The following SPINK8 variants were observed in gnomAD, a reference collection of about 807,000 sequenced individuals.
The protein encoded by SPINK8 is serine protease inhibitor Kazal-type 8.
Under a neutral mutation model 14.4 loss-of-function variants are expected in SPINK8, and 12 were observed. The ratio of observed to expected loss-of-function variants is 0.83; its 90% CI spans 0.53 to 1.35. The LOEUF is 1.35. Among genes scored for constraint, SPINK8 ranks in the 40% most tolerant of loss-of-function variants. The probability of loss-of-function intolerance (pLI) is 0.00; values close to 1 mark genes in which losing one functional copy is unlikely to be tolerated. For missense variants in SPINK8, 103 were observed against 117.0 expected, an observed-to-expected ratio of 0.88 and a Z score of 0.55; for synonymous variants, 32 against 37.6, an observed-to-expected ratio of 0.85 and a Z score of 0.55.
At chr3:48,317,488 C>CA (rs1340055726) in intron 6 of SPINK8, among the ~76,000 whole-genome samples, 11 of 150,688 alleles carry the variant, frequency 7.3e-5, no homozygotes, top group Admixed American at 5.3e-4. Flanking sequence ...AACTACATCT[C>CA]AAAAAATAAA....
chr3:48,321,870 T>C lies in SPINK8; in HGVS notation c.68-796A>G, dbSNP rs375730566. On this transcript the variant is annotated intron_variant, in intron 4 of 7. Transcript: ENST00000434006. Reference sequence around the variant, plus strand: ...CTCTGTCACCCAGGCTGGAGTGCATTGACACGATATCAGCTCACTGAAGCC... The same window carrying C: ...CTCTGTCACCCAGGCTGGAGTGCATCGACACGATATCAGCTCACTGAAGCC... Among the ~76,000 whole-genome samples, 11 of 152,032 alleles carry C rather than the reference T, an allele frequency of 7.2e-5. No individual in the cohort carries two copies. In the East Asian group the frequency reaches 1.9e-3, roughly 27 times the overall value.
At chr3:48,325,375 A>G (rs1280380834) in intron 4 of SPINK8, among the ~76,000 whole-genome samples, 1 of 149,592 alleles carries the variant, frequency 6.7e-6, no homozygotes, top group East Asian at 2.0e-4. Context: ...GTCCTCCTTC[A>G]CTGGTTTGTG....
rs560186448 is a variant in SPINK8, at chr3:48,309,309, G to T, written c.282+595C>A. Among the ~76,000 whole-genome samples, 4 of 152,264 alleles carry T rather than the reference G, an allele frequency of 2.6e-5. No individual in the cohort carries two copies. The South Asian group carries it at 8.3e-4, about 32-fold the overall frequency. ...AGTTCTTGCTTTGGACTATAACCTG[G>T]AAGTCAGGGACACAATCTCTAGACC... On this transcript the variant is annotated intron_variant, in intron 7 of 7. Transcript: ENST00000434006.
At chr3:48,325,101 C>T (rs1489758468) in intron 4 of SPINK8, among the ~76,000 whole-genome samples, 1 of 152,110 alleles carries the variant, frequency 6.6e-6, no homozygotes. Context: ...TTAGTATAGC[C>T]ATTCCAACTT....
chr3:48,330,268 C>G (rs2036232969), intron 2 of SPINK8, among the ~76,000 whole-genome samples: 1 of 152,156 alleles, frequency 6.6e-6, no homozygotes, highest in African/African-American at 2.4e-5. Context: ...CCTGTAATCT[C>G]AGCACTTTGG....
intron 6 of SPINK8, among the ~76,000 whole-genome samples, chr3:48,313,061 C>T (rs184209871): frequency 6.6e-6 from 1 of 150,966 alleles, no homozygotes; most frequent in African/African-American, 2.4e-5. Context: ...AGAGGTAAAT[C>T]TTTATGCCTT....
At chr3:48,332,209 C>T (rs952549770) in intron 2 of SPINK8, among the ~76,000 whole-genome samples, 157 bp downstream of exon 2, 7 of 152,328 alleles carry the variant, frequency 4.6e-5, no homozygotes, top group South Asian at 2.1e-4. Flanking sequence ...ATGACTAAAG[C>T]GGTGGCCTTC....
chr3:48,323,346 G>T (rs542057688), intron 4 of SPINK8, among the ~76,000 whole-genome samples: 1 of 151,820 alleles, frequency 6.6e-6, no homozygotes, highest in Admixed American at 6.6e-5. Context: ...TGATCTGCCC[G>T]CCTCAGCCTC....
chr3:48,315,936 G>T (rs2035986033), intron 6 of SPINK8, among the ~76,000 whole-genome samples: 1 of 152,070 alleles, frequency 6.6e-6, no homozygotes, highest in South Asian at 2.1e-4. Flanking sequence ...GATTTGAGCA[G>T]ACAGAAGAAA....
chr3:48,314,967 A>G (rs966758593), intron 6 of SPINK8, among the ~76,000 whole-genome samples: 1 of 152,246 alleles, frequency 6.6e-6, no homozygotes, highest in Non-Finnish European at 1.5e-5. Flanking sequence ...AGTGACCACT[A>G]AAGTGTAGCT....
At chr3:48,321,260 C>T (rs11716371) in intron 4 of SPINK8, among the ~76,000 whole-genome samples, 186 bp from the exon 5 acceptor site, 32,490 of 152,064 alleles carry the variant, frequency 0.21, 4,294 homozygotes, top group South Asian at 0.3. Flanking sequence ...GTGCCTTTAC[C>T]TTCTTGTAAA....
At position 48,319,463 on chromosome 3, in the gene SPINK8, C is replaced by G. The variant is rs142135289; in HGVS notation, c.239+34G>C. On this transcript the variant is annotated intron_variant, in intron 6 of 7. Coordinates refer to ENST00000434006, the MANE Select transcript of SPINK8 (RefSeq NM_001080525.3). ...CTTTTGACCACTCTTAACCTCTTGA[C>G]TTGAAAGAAAGGGAGAACAAAATTA... 4 of 1,613,198 alleles carry G rather than the reference C, an allele frequency of 2.5e-6. No homozygotes were observed. In the African/African-American group the frequency reaches 5.3e-5, roughly 21 times the overall value.
chr3:48,312,243 T>C (rs1181024087), intron 6 of SPINK8, among the ~76,000 whole-genome samples: 1 of 152,188 alleles, frequency 6.6e-6, no homozygotes. Context: ...CATATATCTA[T>C]GGCCAATTGA....
intron 6 of SPINK8, among the ~76,000 whole-genome samples, chr3:48,318,646 C>T (rs1355220850): frequency 2.0e-5 from 3 of 152,184 alleles, no homozygotes; most frequent in African/African-American, 7.2e-5. Flanking sequence ...CTAGTGTAAG[C>T]TTTAGTGTTT....
chr3:48,331,624 T>C (rs1171054881), intron 2 of SPINK8, among the ~76,000 whole-genome samples: 3 of 152,228 alleles, frequency 2.0e-5, no homozygotes, highest in Non-Finnish European at 4.4e-5. Flanking sequence ...CTTTTTTTCT[T>C]CTCCTAATTC....
intron 3 of SPINK8, among the ~76,000 whole-genome samples, 63 bp downstream of exon 3, chr3:48,329,090 G>A (rs7619865): frequency 0.38 from 58,173 of 151,894 alleles, 11,926 homozygotes; most frequent in African/African-American, 0.51. Context: ...CTCCCCTGAG[G>A]AAAAAACCAA....
intron 7 of SPINK8, among the ~76,000 whole-genome samples, chr3:48,308,262 C>A (rs2035876953): frequency 6.6e-6 from 1 of 152,102 alleles, no homozygotes; most frequent in Non-Finnish European, 1.5e-5. Flanking sequence ...GCATGAGCCA[C>A]CGTGCCTGGC....
In SPINK8 at chr3:48,306,979, C is replaced by A. The variant is rs1216827626; in HGVS notation, c.*13G>T. 1 of 1,612,778 alleles carries A rather than the reference C, an allele frequency of 6.2e-7. No homozygotes were observed. Among genetic ancestry groups the A allele is most frequent in the South Asian group, 1.1e-5 (1 of 90,744 alleles). ...TGGAGATTCAGTAGGTTTTATAATT[C>A]TTTGTCGTACGTTCAAGAGTTTTCC... On this transcript the variant is annotated 3_prime_UTR_variant, in exon 8 of 8. Transcript: ENST00000434006.
chr3:48,322,940 A>G (rs1190345281), intron 4 of SPINK8, among the ~76,000 whole-genome samples: 1 of 152,174 alleles, frequency 6.6e-6, no homozygotes, highest in East Asian at 1.9e-4. Flanking sequence ...TCCCTTAAGT[A>G]TATACAAAGT....
Sources: allele counts gnomAD v4.1 joint callset (sites outside exome capture counted in the v4.1 genomes callset), GRCh38; gene constraint gnomAD v4.1.1; transcripts MANE v1.5; gene names NCBI Gene and HGNC (gene_info 2026-07-23, HGNC 2026-07-21).